The following IGSF5 variants were observed in gnomAD, a reference collection of about 807,000 sequenced individuals.
The protein encoded by IGSF5 is immunoglobulin superfamily 5 like.
Under a neutral mutation model 39.4 loss-of-function variants are expected in IGSF5, and 41 were observed. The observed-to-expected ratio is 1.04, with a 90% CI of 0.81 to 1.35. The LOEUF (loss-of-function observed/expected upper bound fraction) is 1.35. IGSF5 is among the 40% of genes most tolerant of loss of function. IGSF5 has a pLI of 0.00. For synonymous variants in IGSF5, 183 were observed against 175.3 expected, an observed-to-expected ratio of 1.04 and a Z score of -0.34; for missense variants, 487 against 494.6, an observed-to-expected ratio of 0.98 and a Z score of 0.15.
At chr21:39,782,688 T>A (rs4818095) in intron 5 of IGSF5, among the ~76,000 whole-genome samples, 100,249 of 152,056 alleles carry the variant, frequency 0.66, 33,874 homozygotes, top group Non-Finnish European at 0.73. Context: ...GGTAATTAGC[T>A]TATCCATCAT....
At chr21:39,785,905 T>TA (rs1398454867) in intron 5 of IGSF5, among the ~76,000 whole-genome samples, 1 of 152,196 alleles carries the variant, frequency 6.6e-6, no homozygotes, top group Non-Finnish European at 1.5e-5. Flanking sequence ...GCTAGCCATA[T>TA]ATAGAAAGCT....
At chr21:39,753,727 A>T (rs1256540509) in intron 2 of IGSF5, among the ~76,000 whole-genome samples, 2 of 117,864 alleles carry the variant, frequency 1.7e-5, no homozygotes, top group African/African-American at 6.3e-5. Context: ...TCACTATATA[A>T]TGCCCTTCTT....
At chr21:39,732,390 C>T in the IGSF5 span, among the ~76,000 whole-genome samples, 9 of 152,308 alleles carry the variant, frequency 5.9e-5, no homozygotes, top group South Asian at 8.3e-4. Flanking sequence ...TGTGACATTC[C>T]TATCCAAGGG....
At chr21:39,801,196 T>C in intron 8 of IGSF5, 66 bp from the exon 9 acceptor site, 1 of 1,167,096 alleles carries the variant, frequency 8.6e-7, no homozygotes, top group South Asian at 1.3e-5. Flanking sequence ...GAAGCTCTCT[T>C]TTCAAGTTTG....
chr21:39,766,227 C>G (rs1190576191), intron 3 of IGSF5, among the ~76,000 whole-genome samples: 1 of 152,148 alleles, frequency 6.6e-6, no homozygotes, highest in African/African-American at 2.4e-5. Context: ...CTCCTTCCAT[C>G]TTTGCTTTCC....
At chr21:39,756,958 C>G (rs2080033599) in intron 2 of IGSF5, among the ~76,000 whole-genome samples, 1 of 152,064 alleles carries the variant, frequency 6.6e-6, no homozygotes, top group Non-Finnish European at 1.5e-5. Flanking sequence ...ATCCTGGCCT[C>G]CCTGAACTCT....
intron 5 of IGSF5, among the ~76,000 whole-genome samples, chr21:39,787,244 T>G (rs530339040): frequency 5.3e-5 from 8 of 152,354 alleles, no homozygotes; most frequent in Middle Eastern, 3.4e-3. Context: ...TCTTACCTGA[T>G]AGTCTCTTTT....
intron 4 of IGSF5, among the ~76,000 whole-genome samples, chr21:39,774,971 C>CCGG (rs1194954508): frequency 6.6e-6 from 1 of 152,152 alleles, no homozygotes; most frequent in Non-Finnish European, 1.5e-5. Flanking sequence ...GTCCTCTCTC[C>CCGG]CGGCTGTGGA....
the IGSF5 span, among the ~76,000 whole-genome samples, chr21:39,723,721 A>G: frequency 6.6e-6 from 1 of 152,344 alleles, no homozygotes; most frequent in African/African-American, 2.4e-5. Flanking sequence ...TTTTGTTCCA[A>G]TTAGGGCCAG....
chr21:39,765,699 A>T lies in IGSF5; in HGVS notation c.265A>T (p.Thr89Ser), dbSNP rs772268309. 1 of 1,614,064 alleles carries T rather than the reference A, an allele frequency of 6.2e-7. No individual in the cohort carries two copies. The highest frequency in any genetic ancestry group is 8.5e-7 in the Non-Finnish European group (1 of 1,180,014). ...LSVRPMEPII[T>S]NDRFTSQRYD... ...CGTCAGGCCCATGGAGCCCATCATC[A>T]CCAATGACCGCTTCACCTCTCAGAG... Residue 89 changes from threonine to serine, a missense_variant, in exon 3 of 9, where the codon ACC (threonine) becomes TCC (serine). By Grantham distance (58) the Thr-to-Ser change is moderately conservative. Transcript: ENST00000380588.
chr21:39,745,977 G>A (rs1409116517), intron 1 of IGSF5, among the ~76,000 whole-genome samples: 3 of 152,264 alleles, frequency 2.0e-5, no homozygotes, highest in African/African-American at 7.2e-5. Context: ...CCAAGATGGC[G>A]GCAAGCCTCG....
chr21:39,794,146 G>T (rs942925318), intron 8 of IGSF5, among the ~76,000 whole-genome samples: 1 of 152,330 alleles, frequency 6.6e-6, no homozygotes, highest in African/African-American at 2.4e-5. Context: ...TCCTGTCGGG[G>T]TTAGAATTTT....
At chr21:39,732,324 T>C in the IGSF5 span, among the ~76,000 whole-genome samples, 1 of 152,184 alleles carries the variant, frequency 6.6e-6, no homozygotes, top group Non-Finnish European at 1.5e-5. Context: ...GCTAATTATG[T>C]CTCTAGTAAT....
rs547717752 is a variant in IGSF5 at position 39,793,136 on chromosome 21, T to A, written c.1049-398T>A. Among the ~76,000 whole-genome samples, 37 of 152,314 alleles carry A rather than the reference T, an allele frequency of 2.4e-4. 1 individual carries two copies. The highest frequency in any genetic ancestry group is 8.9e-4 in the African/African-American group (37 of 41,572). ...CTGACCACAGCTTCTTGCAGGTTCC[T>A]GTGAGTGAATATTTATTCATTAGTA... is the stretch of plus-strand genomic sequence containing the variant. On this transcript the variant is annotated intron_variant, in intron 7 of 8. Transcript: ENST00000380588.
chr21:39,801,383 G>A lies in IGSF5; in HGVS notation c.*26G>A, dbSNP rs766196817. 3.3e-5 allele frequency: 50 copies of A among 1,533,152 alleles called. No homozygotes were observed. The highest frequency in any genetic ancestry group is 4.4e-5 in the Non-Finnish European group (49 of 1,107,274). 95.0% of individuals were successfully genotyped at this position (1,533,152 alleles called of 1,614,324 possible). ...CAAAGCCTTCCCCAAGCTCCACTGA[G>A]CACTTGGCTGACAATTCAAAACACG... On this transcript the variant is annotated 3_prime_UTR_variant, in exon 9 of 9. Transcript: ENST00000380588.
chr21:39,793,277 C>T (rs1192880363), intron 7 of IGSF5, among the ~76,000 whole-genome samples: 1 of 152,076 alleles, frequency 6.6e-6, no homozygotes, highest in Non-Finnish European at 1.5e-5. Context: ...AGCTTTGGAT[C>T]ATTTAGTGTC....
chr21:39,778,069 C>G (rs1407409195), intron 4 of IGSF5, among the ~76,000 whole-genome samples: 1 of 152,180 alleles, frequency 6.6e-6, no homozygotes, highest in Non-Finnish European at 1.5e-5. Flanking sequence ...TGTTGAATAA[C>G]AATTCACAAT....
chr21:39,737,384 T>C, the IGSF5 span, among the ~76,000 whole-genome samples: 1 of 152,112 alleles, frequency 6.6e-6, no homozygotes, highest in Admixed American at 6.5e-5. Flanking sequence ...TCTGACATTT[T>C]CTACTTGGAG....
intron 2 of IGSF5, among the ~76,000 whole-genome samples, chr21:39,747,449 G>A (rs1011109992): frequency 3.3e-5 from 5 of 149,470 alleles, no homozygotes; most frequent in African/African-American, 1.2e-4. Flanking sequence ...GGCCTGGGGG[G>A]TTCCAGGAAC....
Sources: allele counts gnomAD v4.1 joint callset (sites outside exome capture counted in the v4.1 genomes callset), GRCh38; gene constraint gnomAD v4.1.1; transcripts MANE v1.5; gene names NCBI Gene and HGNC (gene_info 2026-07-23, HGNC 2026-07-21).